Variants in C10orf120 observed in about 807,000 individuals in gnomAD.
C10orf120 encodes chromosome 10 open reading frame 120, also known as uncharacterized protein C10orf120.
A neutral mutation model predicts 10.8 loss-of-function variants in C10orf120; 15 were observed. That is an observed-to-expected ratio of 1.39 (90% CI 0.93 to 2.14). The LOEUF (loss-of-function observed/expected upper bound fraction) is 2.14, where lower values mean the gene tolerates loss of function less well. C10orf120 is among the 30% of genes most tolerant of loss of function. The pLI is 0.00. For missense variants in C10orf120, 447 were observed against 411.3 expected, an observed-to-expected ratio of 1.09 and a Z score of -0.75; for synonymous variants, 141 against 138.9, an observed-to-expected ratio of 1.02 and a Z score of -0.11.
In C10orf120 at chr10:122,698,070, T is replaced by C. The variant is rs752879905; in HGVS notation, c.671A>G (p.Asn224Ser). The C allele has an allele frequency of 1.9e-6, 3 of 1,613,310 alleles. No individual in the cohort carries two copies. The East Asian group carries it at 6.7e-5, about 36-fold the overall frequency. ...NYDTHNCDDA[N>S]QDKKEEAEGK... is the part of the protein sequence containing the mutation. The stretch of plus-strand genomic sequence containing the variant: ...CTCTGCCTCCTCTTTCTTATCTTGG[T>C]TGGCATCATCACAATTATGGGTGTC... Residue 224 changes from asparagine to serine, a missense_variant, in exon 3 of 3, where the codon AAC becomes AGC. Transcript: ENST00000329446.
rs1463991105 is a variant in C10orf120, at chr10:122,698,078, A to T, written c.663T>A (p.Asp221Glu). 1.9e-6 allele frequency: 3 copies of T among 1,613,478 alleles called. No individual in the cohort carries two copies. Among genetic ancestry groups the T allele is most frequent in the East Asian group, 4.5e-5 (2 of 44,880 alleles). ...KEDNYDTHNC[D>E]DANQDKKEEA... ...CCTCTTTCTTATCTTGGTTGGCATC[A>T]TCACAATTATGGGTGTCATAGTTGT... Residue 221 changes from aspartate to glutamate, a missense_variant, in exon 3 of 3, where the codon GAT becomes GAA. By Grantham distance (45) the Asp-to-Glu change is conservative (BLOSUM62 2). Coordinates refer to ENST00000329446, the MANE Select transcript of C10orf120 (RefSeq NM_001010912.4).
Position 122,698,305 on chromosome 10 carries a change from T to G in C10orf120, c.436A>C (p.Lys146Gln), listed in dbSNP as rs144060316. Residue 146 changes from lysine (K) to glutamine (Q), a missense_variant, in exon 3 of 3, where the codon AAG becomes CAG. Coordinates refer to ENST00000329446, the MANE Select transcript of C10orf120 (RefSeq NM_001010912.4). The part of the protein sequence containing the change: ...CVPLEKIWTA[K>Q]VIAPLEAFKM... ...AATGCCTCCAGGGGCGCAATCACCTTTGCTGTCCATATTTTTTCTAGGGGT... is the reference window on the plus strand; with the variant it reads ...AATGCCTCCAGGGGCGCAATCACCTGTGCTGTCCATATTTTTTCTAGGGGT... 1.8e-5 allele frequency: 29 copies of G among 1,614,100 alleles called. No homozygotes were observed. The African/African-American group carries it at 3.9e-4, about 22-fold the overall frequency.
intron 1 of C10orf120, 92 bp downstream of exon 1, chr10:122,699,523 C>A: frequency 6.9e-7 from 1 of 1,445,062 alleles, no homozygotes; most frequent in Non-Finnish European, 9.5e-7. Flanking sequence ...AGGCTGAGGC[C>A]GCCATGAGCA....
At position 122,699,749 on chromosome 10, in the gene C10orf120, T is replaced by G. The variant is rs745789353; in HGVS notation, c.42A>C (p.Lys14Asn). Reference sequence around the variant, plus strand: ...GCACCATTGTGTCACTAGCCCTCTGTTTTTCAATCCTCTGACAGTCATTCT... The same window carrying G: ...GCACCATTGTGTCACTAGCCCTCTGGTTTTCAATCCTCTGACAGTCATTCT... ...EWKNDCQRIE[K>N]QRASDTMVQE... The change falls in exon 1 of 3, where the codon AAA (lysine) becomes AAC (asparagine). Residue 14 changes from lysine (K) to asparagine (N), a missense_variant. By Grantham distance (94) the Lys-to-Asn change is moderately conservative. Coordinates refer to ENST00000329446, the MANE Select transcript of C10orf120 (RefSeq NM_001010912.4). 5 of 1,614,006 alleles carry G rather than the reference T, an allele frequency of 3.1e-6. No individual in the cohort carries two copies. In the East Asian group the frequency reaches 8.9e-5, roughly 29 times the overall value.
Position 122,698,018 on chromosome 10 carries a change from T to C in C10orf120, c.723A>G (p.Ile241Met). 2 of 1,608,582 alleles carry C rather than the reference T, an allele frequency of 1.2e-6. No homozygotes were observed. Among genetic ancestry groups the C allele is most frequent in the Non-Finnish European group, 1.7e-6 (2 of 1,178,594 alleles). ...AEGKNTKRRE[I>M]KMNVVFKSKE... The stretch of plus-strand genomic sequence containing the variant: ...TTGACTTGAAAACTACATTCATTTT[T>C]ATTTCTCGTCTTTTTGTGTTTTTTC... The change falls in exon 3 of 3, where the codon ATA becomes ATG. Residue 241 changes from isoleucine (I) to methionine (M), a missense_variant. Ile to Met is a conservative substitution (Grantham distance 10). Transcript: ENST00000329446.
At chr10:122,699,106 A>G (rs2133747250) in intron 2 of C10orf120, among the ~76,000 whole-genome samples, 1 of 127,510 alleles carries the variant, frequency 7.8e-6, no homozygotes, top group Admixed American at 9.3e-5. Flanking sequence ...TGCAGTCCGC[A>G]GTCCGGCCTG....
At chr10:122,698,763 G>A in intron 2 of C10orf120, among the ~76,000 whole-genome samples, 1 of 152,196 alleles carries the variant, frequency 6.6e-6, no homozygotes. Flanking sequence ...TGCAAGGTAG[G>A]AGCTGAAGAA....
intron 2 of C10orf120, among the ~76,000 whole-genome samples, chr10:122,698,942 A>G (rs1177631068): frequency 3.3e-5 from 5 of 149,934 alleles, no homozygotes; most frequent in African/African-American, 1.2e-4. Context: ...CTGGCTAACA[A>G]GGTGAAACCC....
Position 122,698,051 on chromosome 10 carries a change from C to T in C10orf120, c.690G>A (p.Glu230=), listed in dbSNP as rs1845810924. 5 of 1,610,734 alleles carry T rather than the reference C, an allele frequency of 3.1e-6. No homozygotes were observed. The highest frequency in any genetic ancestry group is 4.2e-6 in the Non-Finnish European group (5 of 1,179,332). ...GTCTTTTTGTGTTTTTTCCCTCTGC[C>T]TCCTCTTTCTTATCTTGGTTGGCAT... ...CDDANQDKKE[E]AEGKNTKRRE... is the part of the protein sequence containing the mutation. Residue 230 remains glutamate, a synonymous_variant, in exon 3 of 3, where the codon GAG becomes GAA. Coordinates refer to ENST00000329446, the MANE Select transcript of C10orf120 (RefSeq NM_001010912.4).
chr10:122,699,213 C>T, intron 2 of C10orf120, 124 bp downstream of exon 2: 1 of 558,076 alleles, frequency 1.8e-6, no homozygotes, highest in East Asian at 3.1e-5. Flanking sequence ...GCAGATTCAG[C>T]CAATGGGAGT....
chr10:122,698,169 C>T lies in C10orf120; in HGVS notation c.572G>A (p.Arg191His), dbSNP rs747926166. Reference sequence around the variant, plus strand: ...GCCCACCCCAGACAGAAATGAGGAGCGTGTAAACCTTTCAATGTAGGGTAA... The same window carrying T: ...GCCCACCCCAGACAGAAATGAGGAGTGTGTAAACCTTTCAATGTAGGGTAA... ...QPLPYIERFT[R>H]SSFLSGVGLG... Residue 191 changes from arginine (R) to histidine (H), a missense_variant, in exon 3 of 3, where the codon CGC becomes CAC. Arg to His is a conservative substitution (Grantham distance 29, BLOSUM62 0). Transcript: ENST00000329446. 61 of 1,612,484 alleles carry T rather than the reference C, an allele frequency of 3.8e-5. No homozygotes were observed. In the East Asian group the frequency reaches 8.7e-4, roughly 23 times the overall value.
chr10:122,698,540 C>G, intron 2 of C10orf120, 52 bp from the exon 3 acceptor site: 1 of 1,574,038 alleles, frequency 6.4e-7, no homozygotes, highest in Middle Eastern at 1.9e-4. Context: ...GGGCAGGCGG[C>G]ACCCACAGAA....
rs1255125654 is a variant in C10orf120, at chr10:122,698,296, C to T, written c.445G>A (p.Ala149Thr). ...LEKIWTAKVIAPLEAFKMPQR... is the reference protein window; with the variant it reads ...LEKIWTAKVITPLEAFKMPQR... ...GGCATTTTAAATGCCTCCAGGGGCG[C>T]AATCACCTTTGCTGTCCATATTTTT... Residue 149 changes from alanine to threonine, a missense_variant, in exon 3 of 3, where the codon GCG becomes ACG. Transcript: ENST00000329446. 2 of 1,614,084 alleles carry T rather than the reference C, an allele frequency of 1.2e-6. No homozygotes were observed. The highest frequency in any genetic ancestry group is 2.7e-5 in the African/African-American group (2 of 74,924).
Position 122,698,034 on chromosome 10 carries a change from G to A in C10orf120, c.707C>T (p.Thr236Ile). 6.2e-7 allele frequency: 1 copy of A among 1,608,426 alleles called. No individual in the cohort carries two copies. Among genetic ancestry groups the A allele is most frequent in the Non-Finnish European group, 8.5e-7 (1 of 1,178,664 alleles). The change falls in exon 3 of 3, where the codon ACA becomes ATA. Residue 236 changes from threonine to isoleucine, a missense_variant. Transcript: ENST00000329446. ...DKKEEAEGKN[T>I]KRREIKMNVV... The stretch of plus-strand genomic sequence containing the variant: ...ATTCATTTTTATTTCTCGTCTTTTT[G>A]TGTTTTTTCCCTCTGCCTCCTCTTT...
rs112591142 is a variant in C10orf120 at position 122,698,584 on chromosome 10, A to G, written c.253-96T>C. 48 of 1,175,196 alleles carry G rather than the reference A, an allele frequency of 4.1e-5. 1 individual carries two copies. Among genetic ancestry groups the G allele is most frequent in the African/African-American group, 3.8e-4 (25 of 65,802 alleles). The allele number at this position is 1,175,196 out of a possible 1,614,324, so 72.8% of individuals were successfully genotyped here. A position where few individuals can be genotyped will look rare whatever the true frequency, so the allele number is the denominator to read the frequency against. On this transcript the variant is annotated intron_variant, in intron 2 of 2. Transcript: ENST00000329446. ...GTGGCTGGTTCTCCCTCCATTGTGG[A>G]AAGTGTTTGAGCCTCTCTGTAGTGG... is the stretch of plus-strand genomic sequence containing the variant.
chr10:122,698,216 C>A lies in C10orf120; in HGVS notation c.525G>T (p.Arg175=), dbSNP rs1488868576. The A allele has an allele frequency of 6.2e-7, 1 of 1,613,626 alleles. No individual in the cohort carries two copies. The highest frequency in any genetic ancestry group is 8.5e-7 in the Non-Finnish European group (1 of 1,179,910). The change falls in exon 3 of 3, where the codon CGG becomes CGT. Residue 175 remains arginine, a synonymous_variant. Coordinates refer to ENST00000329446, the MANE Select transcript of C10orf120 (RefSeq NM_001010912.4). ...GTAAAGGCTGATGATTTCCCAGAGC[C>A]CGAGCAAGCCTCATCCTCTCTATGT... ...SKHIERMRLA[R]ALGNHQPLPY...
chr10:122,699,515 G>A (rs929878640), intron 1 of C10orf120, 100 bp downstream of exon 1: 4 of 1,441,076 alleles, frequency 2.8e-6, no homozygotes, highest in Admixed American at 3.8e-5. Context: ...CACTAGCCAG[G>A]CTGAGGCCGC....
chr10:122,698,251 C>T lies in C10orf120; in HGVS notation c.490G>A (p.Val164Ile), dbSNP rs61729644. The T allele has an allele frequency of 1.4e-4, 225 of 1,614,176 alleles. No homozygotes were observed. The African/African-American group carries it at 2.5e-3, about 18-fold the overall frequency. ...CTCATCCTCTCTATGTGCTTACTGA[C>T]GTTCACCTGCTCTCGTTGTGGCATT... ...FKMPQREQVN[V>I]SKHIERMRLA... The change falls in exon 3 of 3, where the codon GTC (valine) becomes ATC (isoleucine). Residue 164 changes from valine (V) to isoleucine (I), a missense_variant. By Grantham distance (29) the Val-to-Ile change is conservative. Coordinates refer to ENST00000329446, the MANE Select transcript of C10orf120 (RefSeq NM_001010912.4).
In C10orf120 at chr10:122,699,386, T is replaced by C. The variant is rs764553519; in HGVS notation, c.203A>G (p.Asp68Gly). ...LRIWSKFYRS[D>G]PRIALGKYSP... ...GTATTTCCCAAGGGCAATCCGTGGG[T>C]CTGATCTGTAGAATTTGCTCCATAT... Residue 68 changes from aspartate (D) to glycine (G), a missense_variant, in exon 2 of 3, where the codon GAC (aspartate) becomes GGC (glycine). Transcript: ENST00000329446. The C allele has an allele frequency of 6.2e-7, 1 of 1,613,264 alleles. No individual in the cohort carries two copies. The highest frequency in any genetic ancestry group is 8.5e-7 in the Non-Finnish European group (1 of 1,179,316).
Sources: allele counts gnomAD v4.1 joint callset (sites outside exome capture counted in the v4.1 genomes callset), GRCh38; gene constraint gnomAD v4.1.1; transcripts MANE v1.5; gene names NCBI Gene and HGNC (gene_info 2026-07-23, HGNC 2026-07-21).